Variants in STX8 observed in about 807,000 individuals in gnomAD.
STX8 encodes the protein syntaxin-8.
A neutral mutation model predicts 37.5 loss-of-function variants in STX8; 23 were observed. The ratio of observed to expected loss-of-function variants is 0.61; its 90% CI spans 0.44 to 0.87. The LOEUF is 0.87. STX8 is among the 40% of genes least tolerant of loss of function. The pLI is 0.00. For missense variants in STX8, 313 were observed against 284.7 expected (o/e 1.10, Z -0.71); for synonymous variants, 115 against 99.1 (o/e 1.16, Z -0.95).
chr17:9,418,141 G>A (rs970343782), intron 6 of STX8, among the ~76,000 whole-genome samples: 6 of 152,120 alleles, frequency 3.9e-5, no homozygotes, highest in East Asian at 3.9e-4. Flanking sequence ...CTTGTGAGAC[G>A]GAGCCCTTCA....
intron 7 of STX8, among the ~76,000 whole-genome samples, chr17:9,253,701 G>T (rs1906677736): frequency 6.6e-6 from 1 of 152,138 alleles, no homozygotes; most frequent in Admixed American, 6.5e-5. Context: ...TGGGATCACA[G>T]TTGGGAGGAC....
chr17:9,423,431 T>C (rs1205740606), intron 6 of STX8, among the ~76,000 whole-genome samples: 1 of 151,898 alleles, frequency 6.6e-6, no homozygotes, highest in African/African-American at 2.4e-5. Context: ...GTTCAAGCAA[T>C]CCTCCTGCCT....
chr17:9,265,791 G>A (rs1190284987), intron 7 of STX8, among the ~76,000 whole-genome samples: 5 of 152,272 alleles, frequency 3.3e-5, no homozygotes, highest in Admixed American at 2.0e-4. Context: ...CCAAACTGAC[G>A]TCCTAGTGTG....
Position 9,378,787 on chromosome 17 carries a change from T to C in STX8, c.542-134A>G. 3 of 649,450 alleles carry C rather than the reference T, an allele frequency of 4.6e-6. No homozygotes were observed. The Middle Eastern group carries it at 8.8e-4, about 190-fold the overall frequency. 40.2% of individuals were successfully genotyped at this position (649,450 alleles called of 1,614,324 possible). A position where few individuals can be genotyped will look rare whatever the true frequency, so the allele number is the denominator to read the frequency against. The stretch of plus-strand genomic sequence containing the variant: ...TGAAAAGGTACAGAACTCATGTCGA[T>C]TCTTTGAAAACTGCAATTCTGATTG... On this transcript the variant is annotated intron_variant, in intron 6 of 7. Transcript: ENST00000306357.
At chr17:9,556,067 T>A (rs929591101) in intron 3 of STX8, among the ~76,000 whole-genome samples, 2 of 152,172 alleles carry the variant, frequency 1.3e-5, no homozygotes, top group African/African-American at 4.8e-5. Flanking sequence ...AAAATAAGGC[T>A]GTAATTGTTT....
intron 6 of STX8, among the ~76,000 whole-genome samples, chr17:9,448,866 T>C (rs1032057983): frequency 1.3e-5 from 2 of 152,194 alleles, no homozygotes; most frequent in African/African-American, 4.8e-5. Flanking sequence ...AAATTTTTGC[T>C]TCTCAGAGAA....
chr17:9,486,729 C>T (rs1170861168), intron 6 of STX8, among the ~76,000 whole-genome samples: 1 of 152,018 alleles, frequency 6.6e-6, no homozygotes, highest in African/African-American at 2.4e-5. Context: ...TGCTATGGTG[C>T]CGGCCTGTAG....
At chr17:9,573,185 T>C (rs899823132) in intron 1 of STX8, among the ~76,000 whole-genome samples, 20 of 146,004 alleles carry the variant, frequency 1.4e-4, no homozygotes, top group African/African-American at 5.1e-4. Flanking sequence ...GAAGAGGGGA[T>C]CAGACATGCC....
chr17:9,384,562 C>T (rs564160795), intron 6 of STX8, among the ~76,000 whole-genome samples: 44 of 152,034 alleles, frequency 2.9e-4, no homozygotes, highest in African/African-American at 9.2e-4. Context: ...GGCATGAACC[C>T]GGGAGGCGGA....
chr17:9,505,205 AG>A, intron 4 of STX8, 43 bp from the exon 5 acceptor site: 1 of 1,573,562 alleles, frequency 6.4e-7, no homozygotes, highest in Non-Finnish European at 8.6e-7. Flanking sequence ...CAAAACATGC[AG>A]CTCAAATGCA....
intron 7 of STX8, among the ~76,000 whole-genome samples, chr17:9,314,945 T>C (rs1416197150): frequency 1.3e-5 from 2 of 150,786 alleles, no homozygotes; most frequent in African/African-American, 2.4e-5. Flanking sequence ...CTACTAAAAA[T>C]ACGAACATTA....
At chr17:9,559,760 A>ATATATATATATATATT in intron 2 of STX8, among the ~76,000 whole-genome samples, 1 of 24,492 alleles carries the variant, frequency 4.1e-5, no homozygotes, top group African/African-American at 1.9e-4. Context: ...ATATATATAT[A>ATATATATATATATATT]TTTTTTTTTT....
chr17:9,359,473 T>A (rs1029618287), intron 7 of STX8, among the ~76,000 whole-genome samples: 27 of 150,654 alleles, frequency 1.8e-4, no homozygotes, highest in African/African-American at 6.6e-4. Context: ...AACTTAAGAG[T>A]TTTCCTGGTA....
chr17:9,257,019 A>C (rs1906822160), intron 7 of STX8, among the ~76,000 whole-genome samples: 1 of 152,136 alleles, frequency 6.6e-6, no homozygotes, highest in Non-Finnish European at 1.5e-5. Context: ...GCGGCTCCTG[A>C]CTTCGGGATC....
At chr17:9,272,053 G>A (rs932943686) in intron 7 of STX8, among the ~76,000 whole-genome samples, 6 of 152,116 alleles carry the variant, frequency 3.9e-5, no homozygotes, top group African/African-American at 1.4e-4. Context: ...GGATGTGTTT[G>A]ACACAAAGCC....
intron 7 of STX8, among the ~76,000 whole-genome samples, chr17:9,330,116 G>A (rs1909913599): frequency 6.6e-6 from 1 of 152,164 alleles, no homozygotes; most frequent in Non-Finnish European, 1.5e-5. Flanking sequence ...ACAGGAGGCA[G>A]AGTCCCTCCG....
At position 9,505,310 on chromosome 17, in the gene STX8, C is replaced by A. The variant is rs1046956353; in HGVS notation, c.324-148G>T. On this transcript the variant is annotated intron_variant, in intron 4 of 7. Transcript: ENST00000306357. The stretch of plus-strand genomic sequence containing the variant: ...TTGCATCATTAGTTTATGCCAGGAA[C>A]TGTATTCAGTGCTGGACGAGATACA... 7.9e-6 allele frequency: 7 copies of A among 889,656 alleles called. No homozygotes were observed. In the African/African-American group the frequency reaches 1.2e-4, roughly 15 times the overall value. 55.1% of individuals were successfully genotyped at this position (889,656 alleles called of 1,614,324 possible). A position where few individuals can be genotyped will look rare whatever the true frequency, so the allele number is the denominator to read the frequency against.
chr17:9,378,810 T>C (rs1911691572), intron 6 of STX8, among the ~76,000 whole-genome samples, 157 bp from the exon 7 acceptor site: 1 of 151,654 alleles, frequency 6.6e-6, no homozygotes, highest in Non-Finnish European at 1.5e-5. Flanking sequence ...GCAATTCTGA[T>C]TGTAAAAGGA....
At chr17:9,538,833 C>T (rs1162852809) in intron 4 of STX8, among the ~76,000 whole-genome samples, 1 of 151,942 alleles carries the variant, frequency 6.6e-6, no homozygotes, top group Non-Finnish European at 1.5e-5. Context: ...TTGAGATGGT[C>T]ACAGAGCAGT....
Sources: gnomAD v4.1 joint callset for allele counts (sites outside exome capture counted in the v4.1 genomes callset) on GRCh38, gnomAD v4.1.1 for gene constraint, MANE v1.5 for transcripts, NCBI Gene and HGNC (gene_info 2026-07-23, HGNC 2026-07-21) for gene names.